The following NRG3 variants were observed in gnomAD, a reference collection of about 807,000 sequenced individuals.
NRG3 encodes the protein neuregulin 3.
A neutral mutation model predicts 66.9 loss-of-function variants in NRG3; 31 were observed. The ratio of observed to expected loss-of-function variants is 0.46; its 90% CI spans 0.35 to 0.63. The LOEUF is 0.63. Among genes scored for constraint, NRG3 ranks in the 20% least tolerant of loss-of-function variants. The pLI is 0.00. For missense variants in NRG3, 910 were observed against 878.9 expected, an observed-to-expected ratio of 1.04 and a Z score of -0.45; for synonymous variants, 393 against 359.4, an observed-to-expected ratio of 1.09 and a Z score of -1.06.
At chr10:82,127,107 C>T (rs1237802623) in intron 1 of NRG3, among the ~76,000 whole-genome samples, 1 of 152,078 alleles carries the variant, frequency 6.6e-6, no homozygotes, top group African/African-American at 2.4e-5. Context: ...GAAGGAGATC[C>T]ATGGGCCATG....
At chr10:81,921,187 C>G (rs1480480461) in intron 1 of NRG3, among the ~76,000 whole-genome samples, 1 of 151,866 alleles carries the variant, frequency 6.6e-6, no homozygotes, top group Admixed American at 6.6e-5. Context: ...AGCCTTTTCT[C>G]CCACTTTGAT....
intron 2 of NRG3, among the ~76,000 whole-genome samples, chr10:82,468,098 T>G: frequency 6.6e-6 from 1 of 152,300 alleles, no homozygotes; most frequent in Non-Finnish European, 1.5e-5. Flanking sequence ...GTGTCCTCTT[T>G]ATATAGATAA....
intron 1 of NRG3, among the ~76,000 whole-genome samples, chr10:82,197,149 C>A (rs1369508448): frequency 1.3e-5 from 2 of 152,162 alleles, no homozygotes; most frequent in Non-Finnish European, 2.9e-5. Context: ...AACTGGCCCT[C>A]ACAGGAAGTT....
chr10:82,475,705 A>ATAC (rs572821387), intron 2 of NRG3, among the ~76,000 whole-genome samples: 253 of 152,342 alleles, frequency 1.7e-3, no homozygotes, highest in African/African-American at 5.7e-3. Context: ...AGTGGATCAA[A>ATAC]TACTTAAATG....
chr10:82,850,015 A>G (rs890569327), intron 3 of NRG3, among the ~76,000 whole-genome samples: 15 of 152,310 alleles, frequency 9.8e-5, no homozygotes, highest in South Asian at 2.1e-4. Flanking sequence ...AGCCTTCTGT[A>G]GTAAAACCAT....
At chr10:82,924,723 A>C (rs1194331551) in intron 4 of NRG3, among the ~76,000 whole-genome samples, 1 of 152,178 alleles carries the variant, frequency 6.6e-6, no homozygotes, top group Non-Finnish European at 1.5e-5. Context: ...AACTCACAGC[A>C]GCTTGGAAGG....
At chr10:82,848,247 T>G (rs2063398668) in intron 3 of NRG3, among the ~76,000 whole-genome samples, 1 of 152,198 alleles carries the variant, frequency 6.6e-6, no homozygotes, top group African/African-American at 2.4e-5. Flanking sequence ...AAGATGTATA[T>G]GTTATGTCCT....
rs563845786 is a variant in NRG3 at position 82,338,571 on chromosome 10, A to T, written c.824-20168A>T. On this transcript the variant is annotated intron_variant, in intron 1 of 8. Transcript: ENST00000372141. The stretch of plus-strand genomic sequence containing the variant: ...ACAGTACTCAGCAGTCTTATATTAG[A>T]TGCTCCATGATAGATTGTTAAATAA... Among the ~76,000 whole-genome samples the T allele has an allele frequency of 2.6e-5, 4 of 152,304 alleles. No homozygotes were observed. The East Asian group carries it at 7.7e-4, about 29-fold the overall frequency.
chr10:82,151,673 A>G (rs1239006700), intron 1 of NRG3, among the ~76,000 whole-genome samples: 2 of 151,612 alleles, frequency 1.3e-5, no homozygotes, highest in African/African-American at 4.8e-5. Context: ...GTCTTGATGA[A>G]TGAAGAAGGC....
intron 2 of NRG3, among the ~76,000 whole-genome samples, chr10:82,378,498 C>T (rs754533179): frequency 6.6e-6 from 1 of 151,912 alleles, no homozygotes; most frequent in African/African-American, 2.4e-5. Flanking sequence ...AATTTTCTTT[C>T]TTTGCTTCTT....
At chr10:82,661,845 T>C (rs1350011037) in intron 2 of NRG3, among the ~76,000 whole-genome samples, 1 of 152,232 alleles carries the variant, frequency 6.6e-6, no homozygotes, top group Non-Finnish European at 1.5e-5. Flanking sequence ...CAAGAACAGA[T>C]GCTCCAAATG....
At chr10:82,414,301 G>T (rs1362276032) in intron 2 of NRG3, among the ~76,000 whole-genome samples, 1 of 152,054 alleles carries the variant, frequency 6.6e-6, no homozygotes, top group Admixed American at 6.6e-5. Context: ...AGAGAGAAAG[G>T]GAATGGCTGG....
chr10:82,659,767 A>C (rs1471468020), intron 2 of NRG3, among the ~76,000 whole-genome samples: 1 of 152,040 alleles, frequency 6.6e-6, no homozygotes, highest in Admixed American at 6.6e-5. Context: ...ACCATGAATG[A>C]CTCTAGTAAT....
At chr10:82,420,663 C>T (rs2088993927) in intron 2 of NRG3, among the ~76,000 whole-genome samples, 1 of 152,060 alleles carries the variant, frequency 6.6e-6, no homozygotes, top group Non-Finnish European at 1.5e-5. Context: ...CTCATCATCC[C>T]ACATCCAGGA....
At chr10:82,978,926 T>A in intron 7 of NRG3, 24 bp from the exon 8 acceptor site, 1 of 1,608,652 alleles carries the variant, frequency 6.2e-7, no homozygotes, top group Non-Finnish European at 8.5e-7. Context: ...TGTTTGTTTG[T>A]CTGTTTTCAT....
chr10:82,236,565 C>T (rs186050902), intron 1 of NRG3, among the ~76,000 whole-genome samples: 25 of 152,254 alleles, frequency 1.6e-4, no homozygotes, highest in Admixed American at 1.2e-3. Flanking sequence ...CTTAAGGCCT[C>T]GGAAATATAT....
chr10:82,370,203 A>G lies in NRG3; in HGVS notation c.953+11335A>G, dbSNP rs1019669477. The stretch of plus-strand genomic sequence containing the variant: ...CCCAGTGGCTCAGAAGAATTGGATC[A>G]CATGCAGGCTGGAAGGATGAGTGCA... On this transcript the variant is annotated intron_variant, in intron 2 of 8. Coordinates refer to ENST00000372141, the MANE Select transcript of NRG3 (RefSeq NM_001010848.4). 1.0e-4 allele frequency among the ~76,000 whole-genome samples: 14 copies of G among 138,728 alleles called. 5 individuals are homozygous for G. Among genetic ancestry groups the G allele is most frequent in the African/African-American group, 4.7e-4 (14 of 30,006 alleles). 91.0% of individuals were successfully genotyped at this position (138,728 alleles called of 152,430 possible). A position where few individuals can be genotyped will look rare whatever the true frequency, so the allele number is the denominator to read the frequency against.
chr10:81,951,894 T>C (rs1849390532), intron 1 of NRG3, among the ~76,000 whole-genome samples: 1 of 152,086 alleles, frequency 6.6e-6, no homozygotes, highest in African/African-American at 2.4e-5. Context: ...AATGATAGAC[T>C]GGATTAAGAA....
At chr10:81,990,433 T>A in intron 1 of NRG3, among the ~76,000 whole-genome samples, 1 of 152,172 alleles carries the variant, frequency 6.6e-6, no homozygotes, top group East Asian at 1.9e-4. Flanking sequence ...TCATTGTTCT[T>A]TAGATTACTT....
Sources: allele counts gnomAD v4.1 joint callset (sites outside exome capture counted in the v4.1 genomes callset), GRCh38; gene constraint gnomAD v4.1.1; transcripts MANE v1.5; gene names NCBI Gene and HGNC (gene_info 2026-07-23, HGNC 2026-07-21).